Variants in ATP10B observed in about 807,000 individuals in gnomAD.
ATP10B encodes the protein ATPase phospholipid transporting 10B (putative), also known as phospholipid-transporting ATPase VB.
In ATP10B, 122 loss-of-function variants were observed where a neutral mutation model predicts 141.2. That is an observed-to-expected ratio of 0.86 (90% CI 0.75 to 1.00). The LOEUF is 1.00. ATP10B is among the 50% of genes least tolerant of loss of function. ATP10B has a pLI of 0.00. For synonymous variants in ATP10B, 685 were observed against 692.0 expected (o/e 0.99, Z 0.16); for missense variants, 1,876 against 1,825.3 (o/e 1.03, Z -0.51).
chr5:160,911,638 T>C, the ATP10B span, among the ~76,000 whole-genome samples: 1 of 152,172 alleles, frequency 6.6e-6, no homozygotes, highest in East Asian at 1.9e-4. Flanking sequence ...GCCTGTGAAA[T>C]TAAATATCTA....
chr5:160,611,586 C>G (rs1757722165), intron 18 of ATP10B, among the ~76,000 whole-genome samples: 2 of 151,100 alleles, frequency 1.3e-5, no homozygotes, highest in Non-Finnish European at 3.0e-5. Flanking sequence ...TCCAATTCAT[C>G]TAAAGGTCCT....
chr5:160,602,850 G>T (rs1757171656), intron 20 of ATP10B, 148 bp from the exon 21 acceptor site: 1 of 988,506 alleles, frequency 1.0e-6, no homozygotes, highest in Non-Finnish European at 1.4e-6. Context: ...TAGCTTTTTG[G>T]ATTCTGACAC....
chr5:160,605,753 T>C (rs544633732), intron 19 of ATP10B, among the ~76,000 whole-genome samples: 1 of 152,244 alleles, frequency 6.6e-6, no homozygotes, highest in African/African-American at 2.4e-5. Flanking sequence ...TGGCACCATC[T>C]GTAAGAACAT....
chr5:160,629,446 T>C (rs1020432486), intron 13 of ATP10B, among the ~76,000 whole-genome samples: 2 of 151,986 alleles, frequency 1.3e-5, no homozygotes, highest in Non-Finnish European at 2.9e-5. Flanking sequence ...TTATGGAGGG[T>C]CCCCATCTTG....
At chr5:160,846,630 C>T (rs1431334866) in intron 1 of ATP10B, among the ~76,000 whole-genome samples, 1 of 152,146 alleles carries the variant, frequency 6.6e-6, no homozygotes, top group Admixed American at 6.5e-5. Context: ...GTAGCTACTA[C>T]TAATACATAT....
Position 160,607,016 on chromosome 5 carries a change from T to G in ATP10B, c.2909A>C (p.Asp970Ala). Residue 970 changes from aspartate (D) to alanine (A), a missense_variant, in exon 19 of 26, where the codon GAC (aspartate) becomes GCC (alanine). Asp to Ala is a moderately radical substitution (Grantham distance 126, BLOSUM62 -2). Coordinates refer to ENST00000327245, the MANE Select transcript of ATP10B (RefSeq NM_025153.3). ...LKQFRELQKP[D>A]RKLFGFRLPS... ...TAAGCGGAATCCAAAGAGCTTGCGGTCTGGCTTCTGTAGTTCACGAAATTG... is the reference window on the plus strand; with the variant it reads ...TAAGCGGAATCCAAAGAGCTTGCGGGCTGGCTTCTGTAGTTCACGAAATTG... 1 of 1,614,152 alleles carries G rather than the reference T, an allele frequency of 6.2e-7. No homozygotes were observed. The highest frequency in any genetic ancestry group is 8.5e-7 in the Non-Finnish European group (1 of 1,180,012).
chr5:160,748,911 A>T (rs990658481), intron 2 of ATP10B, among the ~76,000 whole-genome samples: 3 of 152,252 alleles, frequency 2.0e-5, no homozygotes, highest in African/African-American at 7.2e-5. Flanking sequence ...ACTCTGGGCT[A>T]GGCCCTGCAC....
At chr5:160,880,226 A>AAATAT in the ATP10B span, among the ~76,000 whole-genome samples, 114,578 of 145,138 alleles carry the variant, frequency 0.79, 46,087 homozygotes, top group East Asian at 0.97. Context: ...AATATAAATA[A>AAATAT]AATATAAATA....
rs1461019342 is a variant in ATP10B, at chr5:160,649,162, G to A, written c.761+9C>T. ...TATTTACTAGCAGCATGGGACATGA[G>A]ATACTTACATATAACCCTTAAATTT... On this transcript the variant is annotated intron_variant, in intron 8 of 25. Coordinates refer to ENST00000327245, the MANE Select transcript of ATP10B (RefSeq NM_025153.3). The A allele has an allele frequency of 6.3e-7, 1 of 1,594,470 alleles. No homozygotes were observed. Among genetic ancestry groups the A allele is most frequent in the Non-Finnish European group, 8.6e-7 (1 of 1,162,370 alleles).
chr5:160,770,419 T>A (rs1769802905), intron 2 of ATP10B, among the ~76,000 whole-genome samples: 1 of 109,232 alleles, frequency 9.2e-6, no homozygotes, highest in South Asian at 3.4e-4. Context: ...CCTGGTATAT[T>A]TTCGTTTTAG....
intron 10 of ATP10B, among the ~76,000 whole-genome samples, chr5:160,637,561 G>C (rs1202914688): frequency 6.6e-6 from 1 of 152,334 alleles, no homozygotes; most frequent in Non-Finnish European, 1.5e-5. Context: ...ACTGAACTCT[G>C]TTTCCTTATC....
chr5:160,830,196 A>G (rs1256654711), intron 1 of ATP10B, among the ~76,000 whole-genome samples: 2 of 152,082 alleles, frequency 1.3e-5, no homozygotes, highest in African/African-American at 2.4e-5. Flanking sequence ...TATCGAGGTT[A>G]TGTGGTTTTT....
chr5:160,640,261 A>G (rs1489048269), intron 10 of ATP10B, among the ~76,000 whole-genome samples, 200 bp downstream of exon 10: 1 of 152,268 alleles, frequency 6.6e-6, no homozygotes, highest in African/African-American at 2.4e-5. Flanking sequence ...AATAAATATC[A>G]GATGATATTC....
intron 1 of ATP10B, among the ~76,000 whole-genome samples, chr5:160,818,665 T>C (rs1466269787): frequency 1.3e-5 from 2 of 152,184 alleles, no homozygotes; most frequent in African/African-American, 2.4e-5. Context: ...ACCCAAAGGA[T>C]TATAAATCAT....
chr5:160,889,945 A>G, the ATP10B span, among the ~76,000 whole-genome samples: 1 of 152,130 alleles, frequency 6.6e-6, no homozygotes, highest in African/African-American at 2.4e-5. Flanking sequence ...TTCCTTCTAC[A>G]TAGAATCTTG....
At chr5:160,601,864 C>T (rs1757116031) in intron 21 of ATP10B, among the ~76,000 whole-genome samples, 1 of 152,164 alleles carries the variant, frequency 6.6e-6, no homozygotes, top group Non-Finnish European at 1.5e-5. Context: ...CCAGCAAATC[C>T]CTGAAAGAAA....
chr5:160,593,198 C>T (rs557116836), intron 22 of ATP10B, among the ~76,000 whole-genome samples: 72 of 152,274 alleles, frequency 4.7e-4, no homozygotes, highest in Non-Finnish European at 8.7e-4. Flanking sequence ...CTCACATGGC[C>T]GGGTACTTCT....
At chr5:160,687,512 C>T (rs1227463563) in intron 5 of ATP10B, among the ~76,000 whole-genome samples, 1 of 152,112 alleles carries the variant, frequency 6.6e-6, no homozygotes, top group African/African-American at 2.4e-5. Context: ...TCCTGTAATC[C>T]CATCTCTTTG....
chr5:160,649,712 C>A (rs1760566099), intron 7 of ATP10B, among the ~76,000 whole-genome samples: 1 of 152,102 alleles, frequency 6.6e-6, no homozygotes, highest in Admixed American at 6.6e-5. Flanking sequence ...GTGGTTATCA[C>A]ATTCGATACC....
Sources: gnomAD v4.1 joint callset for allele counts (sites outside exome capture counted in the v4.1 genomes callset) on GRCh38, gnomAD v4.1.1 for gene constraint, MANE v1.5 for transcripts, NCBI Gene and HGNC (gene_info 2026-07-23, HGNC 2026-07-21) for gene names.